STPG2: variants seen among roughly 807,000 people sequenced by gnomAD.
STPG2 encodes the protein sperm-tail PG-rich repeat-containing protein 2.
Under a neutral mutation model 54.2 loss-of-function variants are expected in STPG2, and 56 were observed. The observed-to-expected ratio is 1.03, with a 90% CI of 0.83 to 1.29. STPG2 has a LOEUF of 1.29. Ranked by LOEUF, STPG2 falls within the 50% of genes most tolerant of loss-of-function variation. The probability of loss-of-function intolerance (pLI) is 0.00; values close to 1 mark genes in which losing one functional copy is unlikely to be tolerated. For synonymous variants in STPG2, 200 were observed against 181.8 expected (o/e 1.10, Z -0.81); for missense variants, 596 against 544.9 (o/e 1.09, Z -0.93).
chr4:98,022,595 T>C (rs1158063957), intron 5 of STPG2, among the ~76,000 whole-genome samples: 1 of 152,060 alleles, frequency 6.6e-6, no homozygotes. Flanking sequence ...TTCTCCTGGA[T>C]AATATCCTGC....
chr4:97,895,733 A>G (rs2149179588), intron 8 of STPG2, among the ~76,000 whole-genome samples: 2 of 151,938 alleles, frequency 1.3e-5, no homozygotes, highest in East Asian at 1.9e-4. Flanking sequence ...AGACAAAGAA[A>G]CAAATGGACT....
At position 98,143,113 on chromosome 4, in the gene STPG2, T is replaced by C. The variant is rs371618978; in HGVS notation, c.38A>G (p.Glu13Gly). 17 of 1,613,852 alleles carry C rather than the reference T, an allele frequency of 1.1e-5. No homozygotes were observed. Among genetic ancestry groups the C allele is most frequent in the Non-Finnish European group, 1.4e-5 (17 of 1,179,974 alleles). Residue 13 changes from glutamate to glycine, a missense_variant, in exon 1 of 11, where the codon GAA becomes GGA. By Grantham distance (98) the Glu-to-Gly change is moderately conservative. Coordinates refer to ENST00000295268, the MANE Select transcript of STPG2 (RefSeq NM_174952.3). ...DRAPRLLKLAEGGSTEAHVGP... is the reference protein window; with the variant it reads ...DRAPRLLKLAGGGSTEAHVGP... ...CACATGGGCCTCAGTGCTGCCACCT[T>C]CAGCCAATTTGAGCAGGCGGGGAGC... is the stretch of plus-strand genomic sequence containing the variant.
intron 4 of STPG2, among the ~76,000 whole-genome samples, chr4:97,481,186 G>A (rs1292241701): frequency 6.6e-6 from 1 of 151,410 alleles, no homozygotes; most frequent in Non-Finnish European, 1.5e-5. Flanking sequence ...TAGCATCTAT[G>A]TAAAAAATTA....
intron 9 of STPG2, among the ~76,000 whole-genome samples, chr4:97,753,649 G>C (rs116027502): frequency 6.6e-6 from 1 of 151,954 alleles, no homozygotes; most frequent in Non-Finnish European, 1.5e-5. Context: ...AGTAATGCAC[G>C]AGGGTTTCAA....
chr4:98,064,602 C>T (rs753640194), intron 5 of STPG2, among the ~76,000 whole-genome samples: 1 of 152,076 alleles, frequency 6.6e-6, no homozygotes, highest in Non-Finnish European at 1.5e-5. Context: ...AGAGGATATA[C>T]ATTATATGGC....
At chr4:97,527,474 T>A (rs1459815099) in intron 4 of STPG2, among the ~76,000 whole-genome samples, 1 of 152,210 alleles carries the variant, frequency 6.6e-6, no homozygotes, top group Non-Finnish European at 1.5e-5. Context: ...CGTGCATGTA[T>A]CTTCATAGTA....
At chr4:97,506,602 G>T (rs1057020094) in intron 4 of STPG2, among the ~76,000 whole-genome samples, 2 of 151,756 alleles carry the variant, frequency 1.3e-5, no homozygotes, top group Non-Finnish European at 2.9e-5. Context: ...AATAAATAAT[G>T]ATGTACATGG....
intron 8 of STPG2, among the ~76,000 whole-genome samples, chr4:97,861,488 G>A (rs1240983973): frequency 2.6e-5 from 4 of 152,106 alleles, no homozygotes; most frequent in Non-Finnish European, 4.4e-5. Flanking sequence ...CAATCCCACT[G>A]CTAGGTGTAT....
chr4:97,755,602 T>C (rs1024924546), intron 9 of STPG2, among the ~76,000 whole-genome samples: 1 of 152,190 alleles, frequency 6.6e-6, no homozygotes, highest in African/African-American at 2.4e-5. Context: ...TTATAAACTA[T>C]CTGGCTCTCA....
intron 6 of STPG2, among the ~76,000 whole-genome samples, chr4:97,974,546 G>A (rs1734440401): frequency 6.6e-6 from 1 of 151,570 alleles, no homozygotes; most frequent in African/African-American, 2.4e-5. Flanking sequence ...CAATTCTTAT[G>A]TGTCTTGGGA....
At chr4:97,565,019 T>C (rs1020996175) in intron 10 of STPG2, among the ~76,000 whole-genome samples, 1 of 152,214 alleles carries the variant, frequency 6.6e-6, no homozygotes. Context: ...GATAATATCC[T>C]GCAGAGTGTT....
rs1725625201 is a variant in STPG2, at chr4:97,753,003, T to C, written c.1205-40189A>G. ...GTGATGCAAAGAAAATATTCAACCA[T>C]ACTGACTAGACTCACTTCAAATTCA... On this transcript the variant is annotated intron_variant, in intron 9 of 10. Coordinates refer to ENST00000295268, the MANE Select transcript of STPG2 (RefSeq NM_174952.3). 1.3e-5 allele frequency among the ~76,000 whole-genome samples: 2 copies of C among 151,922 alleles called. 1 individual carries two copies. Among genetic ancestry groups the C allele is most frequent in the African/African-American group, 4.8e-5 (2 of 41,426 alleles).
chr4:97,739,767 C>T (rs1487469971), intron 9 of STPG2, among the ~76,000 whole-genome samples: 2 of 152,116 alleles, frequency 1.3e-5, no homozygotes, highest in Admixed American at 6.5e-5. Context: ...GGATTCACAG[C>T]CAAATTCTAC....
chr4:97,849,875 G>A (rs1729094725), intron 8 of STPG2, among the ~76,000 whole-genome samples: 1 of 151,996 alleles, frequency 6.6e-6, no homozygotes, highest in East Asian at 1.9e-4. Context: ...ACTCCTCAGG[G>A]ATCTAGAACT....
At chr4:97,597,531 C>T (rs78292586) in intron 10 of STPG2, among the ~76,000 whole-genome samples, 5,329 of 152,048 alleles carry the variant, frequency 0.035, 313 homozygotes, top group African/African-American at 0.12. Flanking sequence ...AAAGCTAATC[C>T]ACCAAGATTA....
intron 9 of STPG2, among the ~76,000 whole-genome samples, chr4:97,800,108 T>G (rs1366096816): frequency 6.6e-6 from 1 of 152,204 alleles, no homozygotes; most frequent in Non-Finnish European, 1.5e-5. Context: ...GGTTTTTAGC[T>G]TCTTTGCGAT....
chr4:97,515,937 C>T (rs549943963), intron 4 of STPG2, among the ~76,000 whole-genome samples: 2 of 151,902 alleles, frequency 1.3e-5, no homozygotes, highest in African/African-American at 4.8e-5. Flanking sequence ...ATTTTCAGCC[C>T]AATTAAAGAG....
At chr4:97,885,026 CA>C (rs766894413) in intron 8 of STPG2, among the ~76,000 whole-genome samples, 5 of 152,034 alleles carry the variant, frequency 3.3e-5, no homozygotes, top group Non-Finnish European at 5.9e-5. Flanking sequence ...ATTATAAAAA[CA>C]ATTTAAAACT....
intron 10 of STPG2, among the ~76,000 whole-genome samples, chr4:97,669,514 CGGCCGGGCGCGGTGG>C (rs1722634140): frequency 9.6e-6 from 1 of 104,260 alleles, no homozygotes; most frequent in East Asian, 2.5e-4. Flanking sequence ...AAGTTTATTG[CGGCCGGGCGCGGTGG>C]CTCACGCCTG....
Sources: allele counts gnomAD v4.1 joint callset (sites outside exome capture counted in the v4.1 genomes callset), GRCh38; gene constraint gnomAD v4.1.1; transcripts MANE v1.5; gene names NCBI Gene and HGNC (gene_info 2026-07-23, HGNC 2026-07-21).